Variants in BTNL8 observed in about 807,000 individuals in gnomAD.
The protein encoded by BTNL8 is butyrophilin-like protein 8.
A neutral mutation model predicts 36.1 loss-of-function variants in BTNL8; 22 were observed. The ratio of observed to expected loss-of-function variants is 0.61; its 90% CI spans 0.44 to 0.87. The LOEUF is 0.87. Among genes scored for constraint, BTNL8 ranks in the 40% least tolerant of loss-of-function variants. The pLI is 0.00. For synonymous variants in BTNL8, 203 were observed against 235.6 expected (o/e 0.86, Z 1.27); for missense variants, 526 against 616.9 (o/e 0.85, Z 1.56).
intron 3 of BTNL8, among the ~76,000 whole-genome samples, chr5:180,938,120 T>G (rs1410972742): frequency 6.6e-6 from 1 of 151,996 alleles, no homozygotes; most frequent in Non-Finnish European, 1.5e-5. Flanking sequence ...AAGAAAGAAT[T>G]TCTGAACTTG....
rs148521891 is a variant in BTNL8 at position 180,924,370 on chromosome 5, A to C, written c.673+12756A>C. 3.6e-3 allele frequency among the ~76,000 whole-genome samples: 543 copies of C among 152,296 alleles called. 2 individuals carry two copies. Among genetic ancestry groups the C allele is most frequent in the African/African-American group, 0.012 (499 of 41,552 alleles). On this transcript the variant is annotated intron_variant, in intron 3 of 7. Coordinates refer to ENST00000340184, the MANE Select transcript of BTNL8 (RefSeq NM_001040462.3). The stretch of plus-strand genomic sequence containing the variant: ...TGCCCACCCTGAGTGATCAAGCAGC[A>C]ACCCCAGAAATCTCACCCAGCCTCA...
intron 1 of BTNL8, among the ~76,000 whole-genome samples, chr5:180,902,036 A>C (rs1451872737): frequency 6.6e-6 from 1 of 152,196 alleles, no homozygotes; most frequent in Non-Finnish European, 1.5e-5. Context: ...CCTCTATAGT[A>C]GCCATAAAAT....
chr5:180,941,913 T>TTTTTTTTTTTTTTTTTTTTTTTTTTG (rs1277979321), intron 3 of BTNL8, among the ~76,000 whole-genome samples: 1 of 151,554 alleles, frequency 6.6e-6, no homozygotes, highest in Non-Finnish European at 1.5e-5. Flanking sequence ...TTTACTACTC[T>TTTTTTTTTTTTTTTTTTTTTTTTTTG]TATTCAACAA....
intron 3 of BTNL8, among the ~76,000 whole-genome samples, chr5:180,921,684 C>G (rs1015673033): frequency 6.6e-6 from 1 of 151,666 alleles, no homozygotes; most frequent in Non-Finnish European, 1.5e-5. Context: ...CACACACACA[C>G]ACACACACAC....
At chr5:180,931,258 C>T (rs193252778) in intron 3 of BTNL8, among the ~76,000 whole-genome samples, 58 of 152,076 alleles carry the variant, frequency 3.8e-4, no homozygotes, top group African/African-American at 1.3e-3. Context: ...GCTAGCCATA[C>T]GTGGAAAACT....
At chr5:180,947,207 G>C (rs1029748158) in intron 3 of BTNL8, among the ~76,000 whole-genome samples, 3 of 152,212 alleles carry the variant, frequency 2.0e-5, no homozygotes, top group South Asian at 2.1e-4. Flanking sequence ...ACAGAGCAGA[G>C]AGCCCAGAAA....
chr5:180,940,138 G>A (rs1365529434), intron 3 of BTNL8, among the ~76,000 whole-genome samples: 1 of 151,950 alleles, frequency 6.6e-6, no homozygotes, highest in Non-Finnish European at 1.5e-5. Context: ...CGAGGTCAAG[G>A]GGTCAAGACC....
chr5:180,935,285 G>A lies in BTNL8; in HGVS notation c.674-12227G>A, dbSNP rs1387796328. Among the ~76,000 whole-genome samples the A allele has an allele frequency of 6.6e-6, 1 of 152,158 alleles. No individual in the cohort carries two copies. On this transcript the variant is annotated intron_variant, in intron 3 of 7. Coordinates refer to ENST00000340184, the MANE Select transcript of BTNL8 (RefSeq NM_001040462.3). The surrounding 1 kb of genome is among the most constrained non-coding windows in gnomAD (Gnocchi z 4.8). ...TAGGGACCTGCCCCTTTCCACCCAG[G>A]AACCTGTTTCCCTTCCACCATCAAC...
Position 180,949,120 on chromosome 5 carries a change from C to T in BTNL8, c.836-119C>T, listed in dbSNP as rs1439403044. The T allele has an allele frequency of 1.0e-5, 14 of 1,354,966 alleles. 1 individual carries two copies. The highest frequency in any genetic ancestry group is 1.3e-5 in the Non-Finnish European group (13 of 988,198). 83.9% of individuals were successfully genotyped at this position (1,354,966 alleles called of 1,614,324 possible). ...TGTAGAGAAGCCCCATAGCCTTCTT[C>T]GGATCTCTGGAGGGTCCACAACACT... On this transcript the variant is annotated intron_variant, in intron 6 of 7. Transcript: ENST00000340184.
At chr5:180,909,042 C>T (rs1269757886) in intron 2 of BTNL8, 109 bp downstream of exon 2, 2 of 1,116,056 alleles carry the variant, frequency 1.8e-6, no homozygotes, top group Non-Finnish European at 2.6e-6. Context: ...AGTTAGAAGG[C>T]AGCATTCTAT....
intron 3 of BTNL8, among the ~76,000 whole-genome samples, chr5:180,944,406 C>T (rs1274743162): frequency 6.6e-6 from 1 of 152,066 alleles, no homozygotes; most frequent in Non-Finnish European, 1.5e-5. Context: ...TGTATCACGA[C>T]ATCACATTGT....
Position 180,946,825 on chromosome 5 carries a change from C to T in BTNL8, c.674-687C>T, listed in dbSNP as rs369412148. Among the ~76,000 whole-genome samples, 16 of 152,236 alleles carry T rather than the reference C, an allele frequency of 1.1e-4. No homozygotes were observed. The East Asian group carries it at 3.1e-3, about 29-fold the overall frequency. The stretch of plus-strand genomic sequence containing the variant: ...GATGTCTTAATTAGCTTGATTTAAT[C>T]ATTCCACATTGTAGGCATGTATCAA... On this transcript the variant is annotated intron_variant, in intron 3 of 7. Coordinates refer to ENST00000340184, the MANE Select transcript of BTNL8 (RefSeq NM_001040462.3).
chr5:180,921,435 A>T (rs1035118385), intron 3 of BTNL8, among the ~76,000 whole-genome samples: 3 of 152,068 alleles, frequency 2.0e-5, no homozygotes, highest in Non-Finnish European at 4.4e-5. Context: ...TTATATGTGT[A>T]ATCTAAAATC....
chr5:180,901,206 AC>A (rs1164608621), intron 1 of BTNL8, among the ~76,000 whole-genome samples: 1 of 152,256 alleles, frequency 6.6e-6, no homozygotes, highest in Non-Finnish European at 1.5e-5. Flanking sequence ...ATGTAATTAA[AC>A]TAAAAAATTA....
Position 180,902,299 on chromosome 5 carries a change from T to C in BTNL8, c.49+2940T>C, listed in dbSNP as rs891206875. 3.3e-6 allele frequency: 5 copies of C among 1,503,072 alleles called. No individual in the cohort carries two copies. In the East Asian group the frequency reaches 1.2e-4, roughly 37 times the overall value. 93.1% of individuals were successfully genotyped at this position (1,503,072 alleles called of 1,614,324 possible). On this transcript the variant is annotated intron_variant, in intron 1 of 7. Transcript: ENST00000340184. ...AGACTTTTTCCTCTGGATAACATGG[T>C]TTTCTCATCTTAAAAATAAAAACAT...
chr5:180,920,452 A>C (rs1757813559), intron 3 of BTNL8, among the ~76,000 whole-genome samples: 1 of 152,136 alleles, frequency 6.6e-6, no homozygotes, highest in African/African-American at 2.4e-5. Context: ...ATTCAAAATG[A>C]ATTAAAGATA....
chr5:180,926,980 C>T (rs1758130757), intron 3 of BTNL8, among the ~76,000 whole-genome samples: 1 of 152,234 alleles, frequency 6.6e-6, no homozygotes, highest in South Asian at 2.1e-4. Flanking sequence ...TGCTAAGGGA[C>T]AGACTGCCTC....
At chr5:180,900,515 A>G (rs1201200017) in intron 1 of BTNL8, among the ~76,000 whole-genome samples, 1 of 152,200 alleles carries the variant, frequency 6.6e-6, no homozygotes, top group Non-Finnish European at 1.5e-5. Flanking sequence ...GTTATAGGCA[A>G]GAGAGGTGAC....
At chr5:180,904,645 T>C (rs1344631618) in intron 1 of BTNL8, among the ~76,000 whole-genome samples, 1 of 116,748 alleles carries the variant, frequency 8.6e-6, no homozygotes, top group Non-Finnish European at 1.7e-5. Flanking sequence ...CCATTCAGTA[T>C]GATATTGGCT....
Sources: gnomAD v4.1 joint callset for allele counts (sites outside exome capture counted in the v4.1 genomes callset) on GRCh38, gnomAD v4.1.1 for gene constraint, Gnocchi (gnomAD v3.1) non-coding constraint, MANE v1.5 for transcripts, NCBI Gene and HGNC (gene_info 2026-07-23, HGNC 2026-07-21) for gene names.